The following SRRM4 variants were observed in gnomAD, a reference collection of about 807,000 sequenced individuals.
The protein encoded by SRRM4 is serine/arginine repetitive matrix protein 4.
Under a neutral mutation model 68.9 loss-of-function variants are expected in SRRM4, and 33 were observed. That is an observed-to-expected ratio of 0.48 (90% confidence interval 0.36 to 0.64). The LOEUF is 0.64. SRRM4 is among the 30% of genes least tolerant of loss of function. The pLI is 0.00. For missense variants in SRRM4, 817 were observed against 827.1 expected (o/e 0.99, Z 0.15); for synonymous variants, 318 against 318.8 (o/e 1.00, Z 0.03).
At chr12:119,008,918 C>T (rs923088360) in intron 1 of SRRM4, among the ~76,000 whole-genome samples, 22 of 152,090 alleles carry the variant, frequency 1.4e-4, no homozygotes, top group Admixed American at 1.1e-3. Flanking sequence ...GCAGGGCCGA[C>T]CGCCACCCGC....
chr12:119,150,816 G>T (rs928476628), intron 9 of SRRM4, among the ~76,000 whole-genome samples: 1 of 152,182 alleles, frequency 6.6e-6, no homozygotes, highest in Non-Finnish European at 1.5e-5. Flanking sequence ...AACCTGAATT[G>T]TCTACTTTTA....
chr12:118,991,575 C>T (rs1031014721), intron 1 of SRRM4, among the ~76,000 whole-genome samples: 5 of 152,216 alleles, frequency 3.3e-5, no homozygotes. Flanking sequence ...GAATCTCTTC[C>T]CCCAGATACG....
chr12:119,135,845 T>C (rs925351009), intron 8 of SRRM4, among the ~76,000 whole-genome samples: 1 of 152,220 alleles, frequency 6.6e-6, no homozygotes, highest in Admixed American at 6.5e-5. Context: ...TTTAATTACA[T>C]GACCTCCTCT....
chr12:119,021,726 A>G (rs1953517044), intron 1 of SRRM4, among the ~76,000 whole-genome samples: 1 of 152,232 alleles, frequency 6.6e-6, no homozygotes, highest in African/African-American at 2.4e-5. Flanking sequence ...TGAGGCTTCC[A>G]ACTTCATCCA....
chr12:118,988,481 G>A (rs1157980070), intron 1 of SRRM4, among the ~76,000 whole-genome samples: 5 of 152,196 alleles, frequency 3.3e-5, no homozygotes, highest in African/African-American at 1.2e-4. Flanking sequence ...TAGGCTTCTT[G>A]TCCTTCATGG....
intron 1 of SRRM4, among the ~76,000 whole-genome samples, chr12:119,024,704 A>T (rs1028755919): frequency 3.3e-5 from 5 of 152,246 alleles, no homozygotes; most frequent in Non-Finnish European, 7.3e-5. Flanking sequence ...AAACCCAAGG[A>T]TGGCCAGGCT....
In SRRM4 at chr12:119,058,489, G is replaced by T. The variant is rs1161735985; in HGVS notation, c.132-43747G>T. Among the ~76,000 whole-genome samples, 13 of 152,250 alleles carry T rather than the reference G, an allele frequency of 8.5e-5. No individual in the cohort carries two copies. In the East Asian group the frequency reaches 2.5e-3, roughly 29 times the overall value. ...TTAAATAGCTTTCTCATTTTACTCA[G>T]CCCAAAAGTGGCAAAGCTGGAAATG... On this transcript the variant is annotated intron_variant, in intron 1 of 12. Transcript: ENST00000267260.
intron 1 of SRRM4, among the ~76,000 whole-genome samples, chr12:119,038,805 A>G (rs1953646549): frequency 6.6e-6 from 1 of 152,094 alleles, no homozygotes; most frequent in Non-Finnish European, 1.5e-5. Flanking sequence ...GTTAGATCCG[A>G]CGTGTTATCA....
intron 6 of SRRM4, 62 bp from the exon 7 acceptor site, chr12:119,125,319 C>A (rs886399500): frequency 1.4e-6 from 2 of 1,458,920 alleles, no homozygotes; most frequent in Non-Finnish European, 9.5e-7. Context: ...TCAAATCTCT[C>A]ACTCTCCCTT....
chr12:118,992,751 G>A (rs1357888228), intron 1 of SRRM4, among the ~76,000 whole-genome samples: 1 of 152,156 alleles, frequency 6.6e-6, no homozygotes, highest in East Asian at 1.9e-4. Context: ...GGGACCTTCA[G>A]AACTCAAATA....
chr12:119,143,580 C>T (rs899308477), intron 8 of SRRM4, among the ~76,000 whole-genome samples: 4 of 152,142 alleles, frequency 2.6e-5, no homozygotes, highest in African/African-American at 9.7e-5. Flanking sequence ...CTGGAACCAT[C>T]CCTTTCTCTC....
In SRRM4 at chr12:118,981,666, A is replaced by T; in HGVS notation, c.-217A>T. ...TCAGAGCGCAGCCTGGAGCCGACCC[A>T]GAAGGGCGAAGAAAGCCCAGCGGAC... On this transcript the variant is annotated 5_prime_UTR_variant, in exon 1 of 13. Coordinates refer to ENST00000267260, the MANE Select transcript of SRRM4 (RefSeq NM_194286.4). The T allele has an allele frequency of 1.8e-6, 1 of 561,046 alleles. No individual in the cohort carries two copies. Among genetic ancestry groups the T allele is most frequent in the South Asian group, 2.3e-5 (1 of 42,914 alleles). 34.8% of individuals were successfully genotyped at this position (561,046 alleles called of 1,614,324 possible).
intron 6 of SRRM4, among the ~76,000 whole-genome samples, chr12:119,123,555 C>T (rs1954237151): frequency 6.6e-6 from 1 of 151,996 alleles, no homozygotes; most frequent in African/African-American, 2.4e-5. Context: ...GGTGGCCACC[C>T]TCCCCGCTGG....
At chr12:119,124,022 G>C (rs1954241277) in intron 6 of SRRM4, among the ~76,000 whole-genome samples, 1 of 152,232 alleles carries the variant, frequency 6.6e-6, no homozygotes, top group African/African-American at 2.4e-5. Context: ...CAGGCTGCAA[G>C]TTAAGCAGGT....
chr12:119,155,167 G>A (rs1041097109), intron 12 of SRRM4, among the ~76,000 whole-genome samples: 2 of 152,260 alleles, frequency 1.3e-5, no homozygotes, highest in African/African-American at 4.8e-5. Context: ...AGAATAGGTG[G>A]ATACCGTTCC....
intron 1 of SRRM4, among the ~76,000 whole-genome samples, chr12:119,060,981 A>G (rs1016992836): frequency 3.9e-5 from 6 of 152,092 alleles, no homozygotes; most frequent in African/African-American, 1.4e-4. Context: ...CTCCTGTAGG[A>G]CACTGGAGTG....
At chr12:119,114,385 A>T (rs748282623) in intron 3 of SRRM4, 21 bp downstream of exon 3, 1 of 1,585,824 alleles carries the variant, frequency 6.3e-7, no homozygotes, top group South Asian at 1.1e-5. Context: ...CAAGAGGGAG[A>T]TAAAACCTGT....
intron 8 of SRRM4, chr12:119,132,451 G>A (rs1476570046): frequency 1.3e-5 from 2 of 152,172 alleles, no homozygotes; most frequent in African/African-American, 4.8e-5. Flanking sequence ...CATGGTATTT[G>A]TGGTGGTCCA....
intron 1 of SRRM4, among the ~76,000 whole-genome samples, chr12:119,049,477 A>G (rs1370316006): frequency 1.3e-5 from 2 of 152,346 alleles, no homozygotes; most frequent in South Asian, 2.1e-4. Context: ...TGAGTGAGAT[A>G]GGAAGCCTCG....
Sources: allele counts gnomAD v4.1 joint callset (sites outside exome capture counted in the v4.1 genomes callset), GRCh38; gene constraint gnomAD v4.1.1; transcripts MANE v1.5; gene names NCBI Gene and HGNC (gene_info 2026-07-23, HGNC 2026-07-21).